KCNMB2: variants seen among roughly 807,000 people sequenced by gnomAD.
KCNMB2 encodes calcium-activated potassium channel subunit beta-2.
In KCNMB2, 9 loss-of-function variants were observed where a neutral mutation model predicts 24.5. The ratio of observed to expected loss-of-function variants is 0.37; its 90% CI spans 0.22 to 0.64. KCNMB2 has a LOEUF of 0.64. Among genes scored for constraint, KCNMB2 ranks in the 30% least tolerant of loss-of-function variants. The pLI is 0.63. For synonymous variants in KCNMB2, 109 were observed against 104.4 expected (o/e 1.04, Z -0.27); for missense variants, 226 against 284.3 (o/e 0.79, Z 1.47).
chr3:178,667,005 T>A (rs1232181484), intron 1 of KCNMB2, among the ~76,000 whole-genome samples: 1 of 152,208 alleles, frequency 6.6e-6, no homozygotes, highest in African/African-American at 2.4e-5. Flanking sequence ...CTTATAATAC[T>A]TAATACAATG....
At chr3:178,611,357 CTTTTTTTCTT>C (rs1156823903) in intron 1 of KCNMB2, among the ~76,000 whole-genome samples, 2 of 151,772 alleles carry the variant, frequency 1.3e-5, no homozygotes, top group Non-Finnish European at 2.9e-5. Flanking sequence ...GAACCTCTCT[CTTTTTTTCTT>C]AGTTTGTCCG....
intron 1 of KCNMB2, among the ~76,000 whole-genome samples, chr3:178,573,253 C>T (rs557358832): frequency 6.6e-6 from 1 of 152,260 alleles, no homozygotes; most frequent in East Asian, 1.9e-4. Context: ...AGGTGATCCA[C>T]CTGCTTCAGC....
At chr3:178,563,976 T>C (rs1255909903) in intron 1 of KCNMB2, among the ~76,000 whole-genome samples, 2 of 152,156 alleles carry the variant, frequency 1.3e-5, no homozygotes, top group Non-Finnish European at 2.9e-5. Flanking sequence ...ATCTGCAAAG[T>C]ATTTTTAAAA....
chr3:178,590,528 C>T (rs898160444), intron 1 of KCNMB2, among the ~76,000 whole-genome samples: 5 of 152,110 alleles, frequency 3.3e-5, no homozygotes, highest in African/African-American at 1.2e-4. Flanking sequence ...ACTCATTGTC[C>T]TACCACTTGG....
At chr3:178,770,651 C>CA (rs779789966) in intron 1 of KCNMB2, among the ~76,000 whole-genome samples, 37 of 151,852 alleles carry the variant, frequency 2.4e-4, no homozygotes, top group African/African-American at 4.6e-4. Flanking sequence ...CAGTTAAAAT[C>CA]AAAAAAAATA....
chr3:178,798,147 C>T (rs1044534710), intron 1 of KCNMB2, among the ~76,000 whole-genome samples: 1 of 152,130 alleles, frequency 6.6e-6, no homozygotes, highest in Non-Finnish European at 1.5e-5. Context: ...TGCCTGATTG[C>T]CCCGGCCAGA....
At chr3:178,655,360 AT>A (rs957108974) in intron 1 of KCNMB2, among the ~76,000 whole-genome samples, 10 of 152,158 alleles carry the variant, frequency 6.6e-5, no homozygotes, top group Non-Finnish European at 1.3e-4. Flanking sequence ...CAGGTGAAAA[AT>A]TTAGTGACAA....
chr3:178,700,521 T>C (rs1272373013), intron 1 of KCNMB2, among the ~76,000 whole-genome samples: 1 of 152,234 alleles, frequency 6.6e-6, no homozygotes, highest in Non-Finnish European at 1.5e-5. Context: ...GCTAGCCCAA[T>C]GCCCTTCTTT....
Position 178,842,796 on chromosome 3 carries a change from A to G in KCNMB2, c.567A>G (p.Lys189=). ...ACCAGAAGAGTGTTATCCTAACAAA[A>G]CTCTACAGTTCCAACGTGCTGTTCC... ...EGNQKSVILT[K]LYSSNVLFHS... Residue 189 remains lysine (K), a synonymous_variant, in exon 5 of 5, where the codon AAA becomes AAG. Transcript: ENST00000452583. 1 of 1,613,832 alleles carries G rather than the reference A, an allele frequency of 6.2e-7. No homozygotes were observed. The highest frequency in any genetic ancestry group is 8.5e-7 in the Non-Finnish European group (1 of 1,179,844).
At chr3:178,595,844 ATAGGTCTTTTT>A (rs1227556917) in intron 1 of KCNMB2, among the ~76,000 whole-genome samples, 1 of 152,090 alleles carries the variant, frequency 6.6e-6, no homozygotes, top group Non-Finnish European at 1.5e-5. Context: ...GACAAGTAGT[ATAGGTCTTTTT>A]TACATTTCAG....
chr3:178,727,904 A>C (rs1400766904), intron 1 of KCNMB2, among the ~76,000 whole-genome samples: 1 of 152,210 alleles, frequency 6.6e-6, no homozygotes, highest in Non-Finnish European at 1.5e-5. Flanking sequence ...GTTAAATGCT[A>C]CTTTTAAAAG....
At chr3:178,797,351 T>C (rs1346975112) in intron 1 of KCNMB2, among the ~76,000 whole-genome samples, 1 of 152,020 alleles carries the variant, frequency 6.6e-6, no homozygotes, top group East Asian at 1.9e-4. Flanking sequence ...TTCAAAAAAA[T>C]AGAGCAGTAG....
At chr3:178,641,343 A>G (rs1286636865) in intron 1 of KCNMB2, among the ~76,000 whole-genome samples, 1 of 152,164 alleles carries the variant, frequency 6.6e-6, no homozygotes, top group Non-Finnish European at 1.5e-5. Context: ...CTCTACATTT[A>G]TTTTGATTTT....
At chr3:178,537,617 G>C (rs1043631235) in intron 1 of KCNMB2, among the ~76,000 whole-genome samples, 1 of 152,134 alleles carries the variant, frequency 6.6e-6, no homozygotes, top group African/African-American at 2.4e-5. Flanking sequence ...AATCAGAAAA[G>C]GAAATGTCAG....
Position 178,842,981 on chromosome 3 carries a change from G to A in KCNMB2, c.*44G>A, listed in dbSNP as rs566298835. 3.3e-6 allele frequency: 5 copies of A among 1,505,856 alleles called. No homozygotes were observed. In the African/African-American group the frequency reaches 5.6e-5, roughly 17 times the overall value. 93.3% of individuals were successfully genotyped at this position (1,505,856 alleles called of 1,614,324 possible). ...TAATTTTTGTTAAAGCTCAAATACT[G>A]TTTTCTTTCATTCTTCACCAAAGAA... On this transcript the variant is annotated 3_prime_UTR_variant, in exon 5 of 5. Coordinates refer to ENST00000452583, the MANE Select transcript of KCNMB2 (RefSeq NM_181361.3).
In KCNMB2 at chr3:178,682,907, C is replaced by T. The variant is rs554613071; in HGVS notation, c.-67-124436C>T. Reference sequence around the variant, plus strand: ...GCAAGGCTATGGAGAAAAGGAAATGCCTATACACTGTTGGTGGGAATGTAA... The same window carrying T: ...GCAAGGCTATGGAGAAAAGGAAATGTCTATACACTGTTGGTGGGAATGTAA... On this transcript the variant is annotated intron_variant, in intron 1 of 4. Coordinates refer to ENST00000452583, the MANE Select transcript of KCNMB2 (RefSeq NM_181361.3). Among the ~76,000 whole-genome samples the T allele has an allele frequency of 2.7e-5, 4 of 150,010 alleles. No homozygotes were observed. The South Asian group carries it at 8.3e-4, about 31-fold the overall frequency.
chr3:178,808,642 C>A (rs911325342), intron 2 of KCNMB2, among the ~76,000 whole-genome samples: 1 of 152,106 alleles, frequency 6.6e-6, no homozygotes, highest in African/African-American at 2.4e-5. Flanking sequence ...AATTGGGAAG[C>A]AACTTGAAAA....
intron 1 of KCNMB2, among the ~76,000 whole-genome samples, chr3:178,652,269 G>A (rs1426845052): frequency 6.6e-6 from 1 of 151,980 alleles, no homozygotes; most frequent in Non-Finnish European, 1.5e-5. Context: ...GTTGAACAAT[G>A]AGAACACATG....
chr3:178,646,569 C>A (rs750946587), intron 1 of KCNMB2, among the ~76,000 whole-genome samples: 1 of 152,160 alleles, frequency 6.6e-6, no homozygotes, highest in Non-Finnish European at 1.5e-5. Flanking sequence ...GCATGACACT[C>A]ACTGTAAAGA....
Sources: gnomAD v4.1 joint callset for allele counts (sites outside exome capture counted in the v4.1 genomes callset) on GRCh38, gnomAD v4.1.1 for gene constraint, MANE v1.5 for transcripts, NCBI Gene and HGNC (gene_info 2026-07-23, HGNC 2026-07-21) for gene names.